Variants in PLA2G4A observed in about 807,000 individuals in gnomAD.
PLA2G4A encodes the protein phospholipase A2 group IVA.
PLA2G4A carries 40 observed loss-of-function variants against 81.9 expected under a neutral mutation model. The observed-to-expected ratio is 0.49, with a 90% CI of 0.38 to 0.64. The LOEUF is 0.64. PLA2G4A is among the 30% of genes least tolerant of loss of function. The pLI, the probability that PLA2G4A is intolerant of heterozygous loss-of-function variation, is 0.00. For synonymous variants in PLA2G4A, 302 were observed against 296.9 expected (o/e 1.02, Z -0.18); for missense variants, 715 against 905.1 (o/e 0.79, Z 2.69).
chr1:186,894,498 G>A (rs576896431), intron 5 of PLA2G4A, among the ~76,000 whole-genome samples: 2 of 152,080 alleles, frequency 1.3e-5, no homozygotes, highest in South Asian at 2.1e-4. Context: ...GGACTCTAAT[G>A]GCAAAATTTA....
chr1:186,890,187 A>C (rs114624509), intron 3 of PLA2G4A, among the ~76,000 whole-genome samples: 1,625 of 152,322 alleles, frequency 0.011, 11 homozygotes, highest in Non-Finnish European at 0.014. Context: ...TAAACGGGAA[A>C]GTCAAGTCGA....
Position 186,830,990 on chromosome 1 carries a change from CTTTCTTTCTT to C in PLA2G4A, c.-70+1957_-70+1966del, listed in dbSNP as rs1234095396. 8.9e-5 allele frequency among the ~76,000 whole-genome samples: 13 copies of C among 146,824 alleles called. No individual in the cohort carries two copies. The East Asian group carries it at 2.7e-3, about 30-fold the overall frequency. The stretch of plus-strand genomic sequence containing the variant: ...TCTTTCTTTCTTTCTTTCTTTCTTT[CTTTCTTTCTT>C]TCTTTCTTTCTTTCTTTCTTTTTCT... On this transcript the variant is annotated intron_variant, in intron 1 of 17. Transcript: ENST00000367466.
At chr1:186,874,605 A>C (rs1653403019) in intron 3 of PLA2G4A, among the ~76,000 whole-genome samples, 1 of 151,868 alleles carries the variant, frequency 6.6e-6, no homozygotes, top group African/African-American at 2.4e-5. Flanking sequence ...AGACACATAA[A>C]CTCTTTTTCT....
At chr1:186,885,553 A>G (rs921495833) in intron 3 of PLA2G4A, among the ~76,000 whole-genome samples, 7 of 152,200 alleles carry the variant, frequency 4.6e-5, no homozygotes, top group Admixed American at 4.6e-4. Context: ...AGGTTGACTG[A>G]ATTATAAATA....
At chr1:186,903,150 A>G (rs60979573) in intron 5 of PLA2G4A, among the ~76,000 whole-genome samples, 17,117 of 152,136 alleles carry the variant, frequency 0.11, 2,584 homozygotes, top group African/African-American at 0.34. Flanking sequence ...TCAAGTAAAT[A>G]TGGATAAAGC....
At chr1:186,853,613 T>C (rs12720495) in intron 1 of PLA2G4A, among the ~76,000 whole-genome samples, 33,756 of 151,792 alleles carry the variant, frequency 0.22, 4,804 homozygotes, top group Non-Finnish European at 0.31. Flanking sequence ...TTTTATGAAA[T>C]CTCAAGGACT....
chr1:186,883,420 T>A (rs529237939), intron 3 of PLA2G4A, among the ~76,000 whole-genome samples: 43 of 152,092 alleles, frequency 2.8e-4, no homozygotes, highest in Non-Finnish European at 4.6e-4. Flanking sequence ...CTTTAAAGGA[T>A]CTGAGATTAA....
chr1:186,950,591 T>A, intron 12 of PLA2G4A, 66 bp from the exon 13 acceptor site: 1 of 858,188 alleles, frequency 1.2e-6, no homozygotes, highest in Non-Finnish European at 2.0e-6. Flanking sequence ...ATTACTTTTT[T>A]ATATTAAAAT....
intron 1 of PLA2G4A, among the ~76,000 whole-genome samples, chr1:186,830,963 TTTCTTTC>T (rs1318072819): frequency 1.6e-5 from 1 of 61,568 alleles, no homozygotes; most frequent in Non-Finnish European, 3.4e-5. Context: ...GCTTGCTTTC[TTTCTTTC>T]TTTCTTTCTT....
intron 17 of PLA2G4A, among the ~76,000 whole-genome samples, chr1:186,982,175 C>T (rs946674448): frequency 6.6e-6 from 1 of 152,162 alleles, no homozygotes. Context: ...AAAGCATTAG[C>T]CATAAAGGGC....
At chr1:186,838,504 G>A (rs1651868963) in intron 1 of PLA2G4A, among the ~76,000 whole-genome samples, 1 of 152,170 alleles carries the variant, frequency 6.6e-6, no homozygotes, top group Admixed American at 6.5e-5. Context: ...TCCAGCTCTA[G>A]TAGGTGGGAA....
chr1:186,934,440 G>A (rs372700378), intron 8 of PLA2G4A, among the ~76,000 whole-genome samples: 1 of 70,972 alleles, frequency 1.4e-5, no homozygotes, highest in African/African-American at 3.1e-5. Flanking sequence ...TTTTAAATGT[G>A]CACATATATA....
In PLA2G4A at chr1:186,950,700, C is replaced by G. The variant is rs200708904; in HGVS notation, c.1308C>G (p.Asp436Glu). The part of the protein sequence containing the change: ...TKHIVSNDSS[D>E]SDDESHEPKG... ...ATATTGTGAGTAATGATAGCTCGGA[C>G]AGTGATGATGAATCACACGAACCCA... Residue 436 changes from aspartate to glutamate, a missense_variant, in exon 13 of 18, where the codon GAC becomes GAG. Asp to Glu is a conservative substitution (Grantham distance 45). Transcript: ENST00000367466. The G allele has an allele frequency of 6.2e-7, 1 of 1,603,826 alleles. No individual in the cohort carries two copies. Among genetic ancestry groups the G allele is most frequent in the African/African-American group, 1.3e-5 (1 of 74,750 alleles).
chr1:186,878,439 T>C (rs1653600912), intron 3 of PLA2G4A, among the ~76,000 whole-genome samples: 1 of 150,868 alleles, frequency 6.6e-6, no homozygotes, highest in South Asian at 2.1e-4. Flanking sequence ...ATTAATGGTT[T>C]TGGAATGTTT....
At chr1:186,886,317 CT>C (rs1383727008) in intron 3 of PLA2G4A, among the ~76,000 whole-genome samples, 1 of 152,114 alleles carries the variant, frequency 6.6e-6, no homozygotes, top group African/African-American at 2.4e-5. Flanking sequence ...AAAGTTTATA[CT>C]GCAATGCAAG....
At chr1:186,968,694 C>G (rs2102281516) in intron 15 of PLA2G4A, among the ~76,000 whole-genome samples, 1 of 151,876 alleles carries the variant, frequency 6.6e-6, no homozygotes, top group Non-Finnish European at 1.5e-5. Context: ...TTTCTGTAAT[C>G]ATTATCCTTG....
intron 17 of PLA2G4A, among the ~76,000 whole-genome samples, chr1:186,981,056 C>T (rs1571467360): frequency 6.6e-6 from 1 of 152,152 alleles, no homozygotes; most frequent in Admixed American, 6.5e-5. Context: ...AGGGAGTGAA[C>T]ATAAATTCTC....
rs111856188 is a variant in PLA2G4A, at chr1:186,849,055, T to A, written c.-69-5231T>A. Reference sequence around the variant, plus strand: ...GGAATCTCACTTGTTCTGCTTTTTTTAAATAAATAGAGAGCTAATTTAACA... The same window carrying A: ...GGAATCTCACTTGTTCTGCTTTTTTAAAATAAATAGAGAGCTAATTTAACA... On this transcript the variant is annotated intron_variant, in intron 1 of 17. Coordinates refer to ENST00000367466, the MANE Select transcript of PLA2G4A (RefSeq NM_024420.3). Among the ~76,000 whole-genome samples the A allele has an allele frequency of 1.3e-3, 195 of 152,248 alleles. 1 individual carries two copies. The highest frequency in any genetic ancestry group is 2.4e-3 in the African/African-American group (101 of 41,556).
chr1:186,831,012 TTC>T (rs1437388378), intron 1 of PLA2G4A, among the ~76,000 whole-genome samples: 7 of 149,104 alleles, frequency 4.7e-5, no homozygotes, highest in Admixed American at 2.0e-4. Context: ...CTTTCTTTCT[TTC>T]TTTCTTTTTC....
Sources: allele counts gnomAD v4.1 joint callset (sites outside exome capture counted in the v4.1 genomes callset), GRCh38; gene constraint gnomAD v4.1.1; transcripts MANE v1.5; gene names NCBI Gene and HGNC (gene_info 2026-07-23, HGNC 2026-07-21).